The following GUSB variants were observed in gnomAD, a reference collection of about 807,000 sequenced individuals.
GUSB encodes beta-glucuronidase.
A neutral mutation model predicts 74.6 loss-of-function variants in GUSB; 51 were observed. The ratio of observed to expected loss-of-function variants is 0.68; its 90% CI spans 0.55 to 0.86. GUSB has a LOEUF of 0.86. Ranked by LOEUF, GUSB falls within the 40% of genes least tolerant of loss-of-function variation. The pLI, the probability that GUSB is intolerant of heterozygous loss-of-function variation, is 0.00. For missense variants in GUSB, 736 were observed against 853.7 expected (o/e 0.86, Z 1.72); for synonymous variants, 360 against 348.3 (o/e 1.03, Z -0.37).
At chr7:65,981,831 G>A in intron 1 of GUSB, 143 bp downstream of exon 1, 1 of 700,270 alleles carries the variant, frequency 1.4e-6, no homozygotes, top group Non-Finnish European at 2.3e-6. Flanking sequence ...CCCCAAGCCG[G>A]CGCCCCCAAG....
chr7:65,968,398 C>T (rs561899812), intron 9 of GUSB, among the ~76,000 whole-genome samples: 3 of 152,280 alleles, frequency 2.0e-5, no homozygotes, highest in Non-Finnish European at 2.9e-5. Flanking sequence ...ACACTCATGA[C>T]GTGCGCCGCT....
At chr7:65,965,181 G>C (rs1790754551) in intron 10 of GUSB, among the ~76,000 whole-genome samples, 1 of 152,034 alleles carries the variant, frequency 6.6e-6, no homozygotes. Context: ...CGAGACAGGA[G>C]GATCACTTCA....
chr7:65,980,690 A>G (rs113145092), intron 1 of GUSB: 2 of 484,878 alleles, frequency 4.1e-6, no homozygotes, highest in Non-Finnish European at 7.6e-6. Context: ...AAGAAGGTTC[A>G]GACCTGTGAC....
chr7:65,974,320 G>C lies in GUSB; in HGVS notation c.1366C>G (p.Leu456Val). The C allele has an allele frequency of 6.2e-7, 1 of 1,614,148 alleles. No individual in the cohort carries two copies. The highest frequency in any genetic ancestry group is 1.1e-5 in the South Asian group (1 of 91,072). ...WSVANEPASH[L>V]ESAGYYLKMV... ...TTCAAGTAGTAGCCAGCAGATTCTA[G>C]GTGGGACGCAGGCTCGTTGGCCACA... The change falls in exon 8 of 12, where the codon CTA becomes GTA. Residue 456 changes from leucine to valine, a missense_variant. This residue lies in a region of GUSB where 368 missense variants were observed against 489.9 expected (regional missense o/e 0.75). Coordinates refer to ENST00000304895, the MANE Select transcript of GUSB (RefSeq NM_000181.4).
chr7:65,979,241 T>C (rs1185382907), intron 4 of GUSB, 158 bp downstream of exon 4: 1 of 822,788 alleles, frequency 1.2e-6, no homozygotes, highest in Non-Finnish European at 2.1e-6. Flanking sequence ...GGAGCCCGTA[T>C]CCGCTCACAC....
intron 8 of GUSB, among the ~76,000 whole-genome samples, chr7:65,972,470 G>C (rs552385608): frequency 6.6e-6 from 1 of 152,250 alleles, no homozygotes; most frequent in East Asian, 1.9e-4. Context: ...AGCCTAGACT[G>C]TTGTTGAAGC....
intron 10 of GUSB, among the ~76,000 whole-genome samples, 190 bp from the exon 11 acceptor site, chr7:65,964,648 T>G (rs966432049): frequency 5.9e-5 from 9 of 151,766 alleles, no homozygotes; most frequent in African/African-American, 2.2e-4. Flanking sequence ...AAAAGGAGGT[T>G]TAAAAAAAAA....
At chr7:65,980,650 C>CTT (rs966103326) in intron 1 of GUSB, 60 of 550,122 alleles carry the variant, frequency 1.1e-4, no homozygotes, top group Admixed American at 1.2e-4. Flanking sequence ...GAGACAGGAG[C>CTT]AAGCCCAGGG....
intron 6 of GUSB, 58 bp from the exon 7 acceptor site, chr7:65,974,762 G>C: frequency 1.3e-6 from 2 of 1,596,872 alleles, no homozygotes; most frequent in East Asian, 2.2e-5. Flanking sequence ...CTTCCTCTGA[G>C]AGCCAGGACC....
chr7:65,960,786 G>T lies in GUSB; in HGVS notation c.*111C>A. ...CTAGAATAGATGACCACAAAACCCAGGCCAGAAACGTTCTGGTCTGCCGTG... is the reference window on the plus strand; with the variant it reads ...CTAGAATAGATGACCACAAAACCCATGCCAGAAACGTTCTGGTCTGCCGTG... On this transcript the variant is annotated 3_prime_UTR_variant, in exon 12 of 12. Transcript: ENST00000304895. 2 of 881,398 alleles carry T rather than the reference G, an allele frequency of 2.3e-6. No individual in the cohort carries two copies. The highest frequency in any genetic ancestry group is 3.9e-6 in the Non-Finnish European group (2 of 515,500). The allele number at this position is 881,398 out of a possible 1,614,324, so 54.6% of individuals were successfully genotyped here. A position where few individuals can be genotyped will look rare whatever the true frequency, so the allele number is the denominator to read the frequency against.
At chr7:65,976,374 G>A (rs1376659512) in intron 4 of GUSB, among the ~76,000 whole-genome samples, 172 bp from the exon 5 acceptor site, 1 of 151,662 alleles carries the variant, frequency 6.6e-6, no homozygotes, top group East Asian at 1.9e-4. Context: ...CCCCCAGGCT[G>A]GAGTGCAGTG....
In GUSB at chr7:65,977,940, C is replaced by A. The variant is rs112000809; in HGVS notation, c.724+1459G>T. On this transcript the variant is annotated intron_variant, in intron 4 of 11. Transcript: ENST00000304895. ...ATTCTCCTGCCTCAGCCTCCCGAGT[C>A]GCTGGGACTACAGGCCCCTGCCACC... Among the ~76,000 whole-genome samples the A allele has an allele frequency of 4.0e-5, 6 of 151,894 alleles. 1 individual carries two copies. Among genetic ancestry groups the A allele is most frequent in the African/African-American group, 1.4e-4 (6 of 41,484 alleles).
chr7:65,974,102 GA>G (rs201018810), intron 8 of GUSB, among the ~76,000 whole-genome samples, 192 bp downstream of exon 8: 2 of 150,254 alleles, frequency 1.3e-5, no homozygotes, highest in Non-Finnish European at 3.0e-5. Flanking sequence ...ATCTCAAAAA[GA>G]AAAAAAAAGA....
intron 9 of GUSB, among the ~76,000 whole-genome samples, chr7:65,969,872 C>G (rs558300850): frequency 6.6e-6 from 1 of 152,260 alleles, no homozygotes; most frequent in South Asian, 2.1e-4. Context: ...TCTATTAAAT[C>G]GAAGTGCAAA....
chr7:65,963,248 C>T (rs1204128199), intron 11 of GUSB, among the ~76,000 whole-genome samples: 2 of 152,148 alleles, frequency 1.3e-5, no homozygotes, highest in African/African-American at 4.8e-5. Context: ...ACAGGTGCCA[C>T]GCAGAGGACA....
chr7:65,970,961 T>A (rs1791166509), intron 8 of GUSB, among the ~76,000 whole-genome samples: 1 of 151,246 alleles, frequency 6.6e-6, no homozygotes, highest in Non-Finnish European at 1.5e-5. Context: ...TAACTTGAGA[T>A]GTATTTTACA....
At chr7:65,976,886 A>T (rs895839163) in intron 4 of GUSB, among the ~76,000 whole-genome samples, 1 of 151,858 alleles carries the variant, frequency 6.6e-6, no homozygotes, top group Non-Finnish European at 1.5e-5. Context: ...GGCTGCAGTG[A>T]GCTATGATCT....
At chr7:65,970,393 G>C (rs564267165) in intron 8 of GUSB, 27 bp from the exon 9 acceptor site, 1 of 1,503,250 alleles carries the variant, frequency 6.7e-7, no homozygotes, top group African/African-American at 1.4e-5. Context: ...GAAGAAACAG[G>C]TTCCATCAGT....
At chr7:65,967,659 G>T (rs1184355003) in intron 10 of GUSB, 72 bp downstream of exon 10, 9 of 1,282,902 alleles carry the variant, frequency 7.0e-6, no homozygotes, top group Non-Finnish European at 1.0e-5. Context: ...GTGGGCGCAG[G>T]TCAGGCTGGA....
Sources: gnomAD v4.1 joint callset for allele counts (sites outside exome capture counted in the v4.1 genomes callset) on GRCh38, gnomAD v4.1.1 for gene constraint, gnomAD v4.1.1 regional missense constraint, MANE v1.5 for transcripts, NCBI Gene and HGNC (gene_info 2026-07-23, HGNC 2026-07-21) for gene names.